Variants in STXBP2 observed in about 807,000 individuals in gnomAD.
STXBP2 encodes syntaxin binding protein 2, also known as syntaxin-binding protein 2.
In STXBP2, 47 loss-of-function variants were observed where a neutral mutation model predicts 72.2. The ratio of observed to expected loss-of-function variants is 0.65; its 90% CI spans 0.51 to 0.83. The LOEUF is 0.83. Ranked by LOEUF, STXBP2 falls within the 40% of genes least tolerant of loss-of-function variation. STXBP2 has a pLI of 0.00. For synonymous variants in STXBP2, 367 were observed against 338.7 expected, an observed-to-expected ratio of 1.08 and a Z score of -0.92; for missense variants, 702 against 807.6, an observed-to-expected ratio of 0.87 and a Z score of 1.58.
chr19:7,630,856 CT>C, the STXBP2 span: 1 of 1,537,214 alleles, frequency 6.5e-7, no homozygotes, highest in South Asian at 1.2e-5. Context: ...GGTAAGTGAT[CT>C]CTTCTTCCTG....
At chr19:7,643,973 A>C (rs1438297175) in intron 13 of STXBP2, among the ~76,000 whole-genome samples, 1 of 60,104 alleles carries the variant, frequency 1.7e-5, no homozygotes. Flanking sequence ...TGGGTGAGGC[A>C]CGGGGCCTTG....
chr19:7,640,326 G>A (rs759672915), intron 4 of STXBP2: 127 of 551,550 alleles, frequency 2.3e-4, no homozygotes, highest in South Asian at 1.5e-3. Context: ...CTGTGTGTGC[G>A]TGTGTATGCG....
At chr19:7,647,139 CT>C in intron 16 of STXBP2, 22 bp from the exon 17 acceptor site, 1 of 1,610,440 alleles carries the variant, frequency 6.2e-7, no homozygotes, top group Non-Finnish European at 8.5e-7. Flanking sequence ...GGTTCCTCCC[CT>C]AACCTGCCTC....
Position 7,647,407 on chromosome 19 carries a change from G to C in STXBP2, c.1592G>C (p.Gly531Ala), listed in dbSNP as rs746118454. ...KNKAGIEARA[G>A]PRLIVYVMGG... Reference sequence around the variant, plus strand: ...AAGGCTGGCATAGAAGCCCGGGCGGGCCCCCGGCTCATCGTGTATGTCATG... The same window carrying C: ...AAGGCTGGCATAGAAGCCCGGGCGGCCCCCCGGCTCATCGTGTATGTCATG... The change falls in exon 18 of 19, where the codon GGC (glycine) becomes GCC (alanine). Residue 531 changes from glycine (G) to alanine (A), a missense_variant. Transcript: ENST00000221283. 68 of 1,613,370 alleles carry C rather than the reference G, an allele frequency of 4.2e-5. No individual in the cohort carries two copies. Among genetic ancestry groups the C allele is most frequent in the Non-Finnish European group, 5.7e-5 (67 of 1,179,960 alleles).
At chr19:7,631,621 T>G in the STXBP2 span, 1 of 1,465,134 alleles carries the variant, frequency 6.8e-7, no homozygotes, top group East Asian at 2.6e-5. Context: ...TTCCTTGTTA[T>G]TCATTTAAGT....
chr19:7,634,896 C>G (rs2031468046), upstream of STXBP2, among the ~76,000 whole-genome samples: 2 of 152,184 alleles, frequency 1.3e-5, no homozygotes, highest in Admixed American at 6.5e-5. Flanking sequence ...CTCTGTGTCC[C>G]AGTCTTCATA....
At chr19:7,640,470 G>C (rs550101911) in intron 4 of STXBP2, 14 of 671,736 alleles carry the variant, frequency 2.1e-5, no homozygotes, top group East Asian at 2.0e-4. Flanking sequence ...GTGCATCTCT[G>C]TGTGTGCATG....
intron 16 of STXBP2, chr19:7,646,555 T>G: frequency 6.4e-6 from 4 of 622,140 alleles, no homozygotes; most frequent in Non-Finnish European, 1.2e-5. Context: ...GGAGCCTCAC[T>G]TCCTCCCCAC....
chr19:7,645,392 C>G (rs2032093935), intron 15 of STXBP2, 86 bp downstream of exon 15: 1 of 1,294,602 alleles, frequency 7.7e-7, no homozygotes, highest in Admixed American at 2.0e-5. Context: ...CATTGGTGCA[C>G]AGGCACGGTG....
chr19:7,630,467 A>C, the STXBP2 span: 2 of 886,070 alleles, frequency 2.3e-6, no homozygotes, highest in East Asian at 5.3e-5. Context: ...GGTCGGCCGT[A>C]ACGAGGCGCT....
At chr19:7,632,625 T>C (rs2031368986), upstream of STXBP2, 2 of 1,581,242 alleles carry the variant, frequency 1.3e-6, no homozygotes, top group Admixed American at 1.7e-5. This position sits in a 1 kb window ranked among gnomAD's most constrained non-coding sequence, Gnocchi z 5.2. Flanking sequence ...ACCTCCCACA[T>C]CCCGTGCCCC....
the STXBP2 span, chr19:7,630,535 TGGG>T: frequency 8.2e-6 from 12 of 1,463,934 alleles, no homozygotes; most frequent in East Asian, 3.0e-4. Context: ...GCACATTGCT[TGGG>T]GGGAGCTCAC....
rs1032021879 is a variant in STXBP2 at position 7,641,928 on chromosome 19, CTT to C, written c.578+76_578+77del. On this transcript the variant is annotated intron_variant, in intron 7 of 18. Coordinates refer to ENST00000221283, the MANE Select transcript of STXBP2 (RefSeq NM_006949.4). ...GTGCAACACCTAACCTTTAACCTCTCTTGTGACCCCAGCCCCGGCCCTACCCT... is the reference window on the plus strand; with the variant it reads ...GTGCAACACCTAACCTTTAACCTCTCGTGACCCCAGCCCCGGCCCTACCCT... 1.5e-5 allele frequency: 23 copies of C among 1,547,234 alleles called. No homozygotes were observed. The African/African-American group carries it at 2.9e-4, about 20-fold the overall frequency.
chr19:7,638,641 G>T (rs2031662238), intron 1 of STXBP2, 85 bp from the exon 2 acceptor site: 2 of 1,421,290 alleles, frequency 1.4e-6, no homozygotes, highest in Middle Eastern at 1.8e-4. Context: ...TTAAGATGGG[G>T]GTTCAGCCCC....
At position 7,639,011 on chromosome 19, in the gene STXBP2, C is replaced by T; in HGVS notation, c.88-8C>T. ...CTCCTCCATCCATCTGTCCATCCATCTGGACAGGTGCTTATCATGGATCAC... is the reference window on the plus strand; with the variant it reads ...CTCCTCCATCCATCTGTCCATCCATTTGGACAGGTGCTTATCATGGATCAC... On this transcript the variant is annotated splice_region_variant and splice_polypyrimidine_tract_variant and intron_variant, in intron 2 of 18. Coordinates refer to ENST00000221283, the MANE Select transcript of STXBP2 (RefSeq NM_006949.4). The T allele has an allele frequency of 6.2e-7, 1 of 1,613,886 alleles. No individual in the cohort carries two copies. Among genetic ancestry groups the T allele is most frequent in the Non-Finnish European group, 8.5e-7 (1 of 1,179,722 alleles).
At chr19:7,638,029 C>G (rs2031628178) in intron 1 of STXBP2, among the ~76,000 whole-genome samples, 1 of 152,220 alleles carries the variant, frequency 6.6e-6, no homozygotes, top group South Asian at 2.1e-4. Flanking sequence ...CATTTTAGAC[C>G]AGGTTGGGGG....
At chr19:7,645,930 G>C (rs909929384) in intron 15 of STXBP2, 26 of 468,748 alleles carry the variant, frequency 5.5e-5, no homozygotes, top group African/African-American at 4.5e-4. Context: ...TCCTCTCTCT[G>C]TTTCCTGCTT....
At chr19:7,631,680 C>T in the STXBP2 span, 2 of 1,459,334 alleles carry the variant, frequency 1.4e-6, no homozygotes, top group East Asian at 2.6e-5. Flanking sequence ...CCCAGGATGC[C>T]TCAGGCCCTC....
At position 7,642,051 on chromosome 19, in the gene STXBP2, C is replaced by T. The variant is rs1392120527; in HGVS notation, c.596C>T (p.Ala199Val). ...CCCGCCAGGGGCCCAGAGGACACAGCCCAGTTGGCCCACGCCGTCCTGGCC... is the reference window on the plus strand; with the variant it reads ...CCCGCCAGGGGCCCAGAGGACACAGTCCAGTTGGCCCACGCCGTCCTGGCC... ...IRYRKGPEDT[A>V]QLAHAVLAKL... The change falls in exon 8 of 19, where the codon GCC becomes GTC. Residue 199 changes from alanine to valine, a missense_variant. By Grantham distance (64) the Ala-to-Val change is moderately conservative (BLOSUM62 0). Transcript: ENST00000221283. This position sits in a 1 kb window ranked among gnomAD's most constrained non-coding sequence, Gnocchi z 6.0. The T allele has an allele frequency of 2.5e-6, 4 of 1,614,080 alleles. No individual in the cohort carries two copies. The South Asian group carries it at 3.3e-5, about 13-fold the overall frequency.
Sources: allele counts gnomAD v4.1 joint callset (sites outside exome capture counted in the v4.1 genomes callset), GRCh38; gene constraint gnomAD v4.1.1; non-coding constraint Gnocchi (gnomAD v3.1); transcripts MANE v1.5; gene names NCBI Gene and HGNC (gene_info 2026-07-23, HGNC 2026-07-21).